REEP3: variants seen among roughly 807,000 people sequenced by gnomAD.
REEP3 encodes receptor expression-enhancing protein 3.
A neutral mutation model predicts 41.3 loss-of-function variants in REEP3; 20 were observed. That is an observed-to-expected ratio of 0.48 (90% CI 0.34 to 0.70). The LOEUF (loss-of-function observed/expected upper bound fraction) is 0.70. Ranked by LOEUF, REEP3 falls within the 30% of genes least tolerant of loss-of-function variation. REEP3 has a pLI of 0.01. For missense variants in REEP3, 271 were observed against 308.8 expected (o/e 0.88, Z 0.92); for synonymous variants, 104 against 101.8 (o/e 1.02, Z -0.13).
intron 2 of REEP3, among the ~76,000 whole-genome samples, chr10:63,577,809 C>T (rs1302123033): frequency 2.0e-5 from 3 of 152,030 alleles, no homozygotes; most frequent in African/African-American, 7.2e-5. Context: ...TAAGTTGCTT[C>T]TCAGTTTTTC....
rs1347010631 is a variant in REEP3, at chr10:63,599,253, A to C, written c.387A>C (p.Ala129=). The part of the protein sequence containing the change: ...VNFGRQGLNL[A]ATAAVTAAVK... ...TTGGACGGCAAGGTTTAAACCTTGC[A>C]GCTACTGCTGCTGTTACTGCAGCAG... Residue 129 remains alanine (A), a synonymous_variant, in exon 5 of 8, where the codon GCA becomes GCC. Coordinates refer to ENST00000373758, the MANE Select transcript of REEP3 (RefSeq NM_001001330.3). 6.4e-7 allele frequency: 1 copy of C among 1,559,906 alleles called. No homozygotes were observed. Among genetic ancestry groups the C allele is most frequent in the African/African-American group, 1.4e-5 (1 of 72,350 alleles).
chr10:63,616,388 G>A (rs543259539), intron 6 of REEP3, among the ~76,000 whole-genome samples: 1 of 152,136 alleles, frequency 6.6e-6, no homozygotes, highest in East Asian at 1.9e-4. Context: ...TAAATTTTTT[G>A]AGGGTAGAAA....
intron 2 of REEP3, among the ~76,000 whole-genome samples, chr10:63,568,775 C>T (rs1264377441): frequency 2.0e-5 from 3 of 150,922 alleles, no homozygotes; most frequent in African/African-American, 7.3e-5. Context: ...CCTACCTCAG[C>T]CTTCTCAGTA....
chr10:63,585,955 C>T lies in REEP3; in HGVS notation c.106-8823C>T, dbSNP rs573378206. On this transcript the variant is annotated intron_variant, in intron 2 of 7. Coordinates refer to ENST00000373758, the MANE Select transcript of REEP3 (RefSeq NM_001001330.3). ...CTTTTTGTTTGCTTTATTTGTTTAT[C>T]CTGGGATCTAAATCAATTTCATAAA... is the stretch of plus-strand genomic sequence containing the variant. 6.6e-5 allele frequency among the ~76,000 whole-genome samples: 10 copies of T among 152,198 alleles called. No homozygotes were observed. The East Asian group carries it at 1.7e-3, about 26-fold the overall frequency.
chr10:63,567,767 A>G (rs1955813609), intron 2 of REEP3, among the ~76,000 whole-genome samples: 1 of 152,130 alleles, frequency 6.6e-6, no homozygotes, highest in Non-Finnish European at 1.5e-5. Flanking sequence ...ATGAACAGAG[A>G]TTAGATCATT....
rs545816762 is a variant in REEP3, at chr10:63,621,913, A to C, written c.*1044A>C. The C allele has an allele frequency of 6.6e-6, 1 of 152,352 alleles. No homozygotes were observed. The highest frequency in any genetic ancestry group is 1.9e-4 in the East Asian group (1 of 5,192). 9.4% of individuals were successfully genotyped at this position (152,352 alleles called of 1,614,324 possible). Reference sequence around the variant, plus strand: ...TTATAAACTGGCATTGACGAAAATCATTTGAATCTCTTCTGGCTGAGATAA... The same window carrying C: ...TTATAAACTGGCATTGACGAAAATCCTTTGAATCTCTTCTGGCTGAGATAA... On this transcript the variant is annotated 3_prime_UTR_variant, in exon 8 of 8. Transcript: ENST00000373758.
intron 1 of REEP3, among the ~76,000 whole-genome samples, chr10:63,554,951 G>A (rs2163188): frequency 6.6e-6 from 1 of 151,880 alleles, no homozygotes; most frequent in Non-Finnish European, 1.5e-5. Context: ...GGCTAGTGGG[G>A]AGAGAGTGAG....
Position 63,576,401 on chromosome 10 carries a change from G to A in REEP3, c.105+9991G>A, listed in dbSNP as rs560314741. 1.0e-3 allele frequency among the ~76,000 whole-genome samples: 152 copies of A among 152,230 alleles called. 1 individual carries two copies. Among genetic ancestry groups the A allele is most frequent in the African/African-American group, 3.5e-3 (147 of 41,530 alleles). ...CACACTCCCTCAGAAACCTGTTGAG[G>A]AGAATCATTCCTTGTGAATTCCTAG... On this transcript the variant is annotated intron_variant, in intron 2 of 7. Transcript: ENST00000373758.
Sources: allele counts gnomAD v4.1 joint callset (sites outside exome capture counted in the v4.1 genomes callset), GRCh38; gene constraint gnomAD v4.1.1; transcripts MANE v1.5; gene names NCBI Gene and HGNC (gene_info 2026-07-23, HGNC 2026-07-21).